ZNF804B: variants seen among roughly 807,000 people sequenced by gnomAD.
ZNF804B encodes zinc finger protein 804B.
ZNF804B carries 80 observed loss-of-function variants against 101.4 expected under a neutral mutation model. That is an observed-to-expected ratio of 0.79 (90% CI 0.66 to 0.95). The LOEUF is 0.95. Ranked by LOEUF, ZNF804B falls within the 40% of genes least tolerant of loss-of-function variation. The pLI is 0.00. For missense variants in ZNF804B, 1,673 were observed against 1,561.9 expected, an observed-to-expected ratio of 1.07 and a Z score of -1.20; for synonymous variants, 622 against 558.8, an observed-to-expected ratio of 1.11 and a Z score of -1.59.
intron 1 of ZNF804B, among the ~76,000 whole-genome samples, chr7:89,151,424 A>C (rs957550886): frequency 6.6e-6 from 1 of 152,094 alleles, no homozygotes; most frequent in Admixed American, 6.6e-5. Context: ...TACAATCTAG[A>C]AATAACACTG....
rs1792929572 is a variant in ZNF804B at position 88,933,946 on chromosome 7, A to G, written c.108+173862A>G. Among the ~76,000 whole-genome samples, 4 of 142,536 alleles carry G rather than the reference A, an allele frequency of 2.8e-5. No homozygotes were observed. The South Asian group carries it at 8.9e-4, about 32-fold the overall frequency. 93.5% of individuals were successfully genotyped at this position (142,536 alleles called of 152,430 possible). A position where few individuals can be genotyped will look rare whatever the true frequency, so the allele number is the denominator to read the frequency against. On this transcript the variant is annotated intron_variant, in intron 1 of 3. Coordinates refer to ENST00000333190, the MANE Select transcript of ZNF804B (RefSeq NM_181646.5). ...TGTATTAAACCAAAAAAAAAAAAAA[A>G]GCCCACATAGCCAAAGCAATACTAA...
intron 1 of ZNF804B, among the ~76,000 whole-genome samples, chr7:89,013,452 A>G (rs1441958860): frequency 1.3e-5 from 2 of 152,206 alleles, no homozygotes; most frequent in Non-Finnish European, 2.9e-5. Flanking sequence ...TTTATGTAGA[A>G]CATACCTTCC....
At chr7:88,809,892 G>T (rs1346558116) in intron 1 of ZNF804B, among the ~76,000 whole-genome samples, 1 of 152,174 alleles carries the variant, frequency 6.6e-6, no homozygotes, top group Non-Finnish European at 1.5e-5. Flanking sequence ...TGACCTTTCT[G>T]AGACCAAAGG....
intron 1 of ZNF804B, among the ~76,000 whole-genome samples, chr7:89,189,831 A>G (rs372589697): frequency 6.6e-6 from 1 of 152,234 alleles, no homozygotes; most frequent in South Asian, 2.1e-4. Flanking sequence ...CTAACACAAC[A>G]TCCACTCTGT....
chr7:89,208,289 A>G (rs1788746871), intron 1 of ZNF804B, among the ~76,000 whole-genome samples: 1 of 152,018 alleles, frequency 6.6e-6, no homozygotes, highest in Non-Finnish European at 1.5e-5. Flanking sequence ...TCACCATGTT[A>G]GCCAGGATGG....
At chr7:89,162,632 T>C (rs1399525236) in intron 1 of ZNF804B, among the ~76,000 whole-genome samples, 1 of 148,784 alleles carries the variant, frequency 6.7e-6, no homozygotes, top group African/African-American at 2.5e-5. Context: ...CTTTTTATAT[T>C]TATGGGCTTT....
At chr7:89,073,421 C>T (rs904364993) in intron 1 of ZNF804B, among the ~76,000 whole-genome samples, 4 of 151,998 alleles carry the variant, frequency 2.6e-5, no homozygotes, top group East Asian at 1.9e-4. Context: ...ATTTTTATTC[C>T]ACATAAAGTT....
At chr7:89,303,238 A>G (rs1258430241) in intron 2 of ZNF804B, among the ~76,000 whole-genome samples, 2 of 151,952 alleles carry the variant, frequency 1.3e-5, no homozygotes, top group African/African-American at 4.8e-5. Flanking sequence ...GCTGGCATGA[A>G]GACATTCTAA....
intron 1 of ZNF804B, among the ~76,000 whole-genome samples, chr7:89,069,597 T>C (rs926892903): frequency 2.8e-4 from 42 of 152,302 alleles, no homozygotes; most frequent in African/African-American, 9.1e-4. Context: ...AGTGTTATGC[T>C]ATGATATCTT....
intron 2 of ZNF804B, among the ~76,000 whole-genome samples, chr7:89,265,567 G>T (rs1278658462): frequency 6.6e-6 from 1 of 152,076 alleles, no homozygotes; most frequent in Non-Finnish European, 1.5e-5. Flanking sequence ...TAATACAGAA[G>T]GATAGTAAAA....
chr7:89,163,837 A>G (rs1326153479), intron 1 of ZNF804B, among the ~76,000 whole-genome samples: 1 of 151,884 alleles, frequency 6.6e-6, no homozygotes, highest in Non-Finnish European at 1.5e-5. Flanking sequence ...AATGAATTAG[A>G]TCTATTTTCC....
At chr7:89,198,074 C>T (rs12704446) in intron 1 of ZNF804B, among the ~76,000 whole-genome samples, 35 of 151,518 alleles carry the variant, frequency 2.3e-4, no homozygotes, top group Admixed American at 5.9e-4. Flanking sequence ...AGCAAACAAA[C>T]GGATTATTAA....
intron 1 of ZNF804B, among the ~76,000 whole-genome samples, chr7:88,814,421 C>T (rs1221314792): frequency 6.7e-6 from 1 of 150,032 alleles, no homozygotes; most frequent in Non-Finnish European, 1.5e-5. Context: ...CCATATGAAC[C>T]AATCACTGTC....
At chr7:89,287,181 T>C (rs1472045392) in intron 2 of ZNF804B, among the ~76,000 whole-genome samples, 2 of 152,214 alleles carry the variant, frequency 1.3e-5, no homozygotes, top group African/African-American at 4.8e-5. Flanking sequence ...ATGTTTATAT[T>C]ATTTGTAAGG....
intron 1 of ZNF804B, among the ~76,000 whole-genome samples, chr7:88,798,644 A>G (rs915669752): frequency 6.6e-6 from 1 of 152,092 alleles, no homozygotes; most frequent in African/African-American, 2.4e-5. Context: ...GTTTAAAGGC[A>G]ACTTGTTTTC....
chr7:88,842,700 T>A (rs562082000), intron 1 of ZNF804B, among the ~76,000 whole-genome samples: 2 of 152,188 alleles, frequency 1.3e-5, no homozygotes, highest in Non-Finnish European at 2.9e-5. Flanking sequence ...GAAGAAATAG[T>A]TCAGATATTT....
At chr7:89,068,415 A>G (rs1170211814) in intron 1 of ZNF804B, among the ~76,000 whole-genome samples, 1 of 152,108 alleles carries the variant, frequency 6.6e-6, no homozygotes, top group Non-Finnish European at 1.5e-5. Flanking sequence ...ATATCTGCAT[A>G]AAGTTATTAC....
chr7:88,915,908 T>C (rs556415138), intron 1 of ZNF804B, among the ~76,000 whole-genome samples: 184 of 152,072 alleles, frequency 1.2e-3, no homozygotes, highest in African/African-American at 4.2e-3. Context: ...AAAGAATTTG[T>C]TCCCTATACT....
chr7:88,933,638 A>G (rs1279578656), intron 1 of ZNF804B, among the ~76,000 whole-genome samples: 2 of 152,140 alleles, frequency 1.3e-5, no homozygotes, highest in Non-Finnish European at 1.5e-5. Flanking sequence ...CTTTACACCA[A>G]CAGTGACCAA....
Sources: gnomAD v4.1 joint callset for allele counts (sites outside exome capture counted in the v4.1 genomes callset) on GRCh38, gnomAD v4.1.1 for gene constraint, MANE v1.5 for transcripts, NCBI Gene and HGNC (gene_info 2026-07-23, HGNC 2026-07-21) for gene names.